Variants in PHACTR1 observed in about 807,000 individuals in gnomAD.
PHACTR1 encodes RPEL repeat containing 1.
PHACTR1 carries 16 observed loss-of-function variants against 69.2 expected under a neutral mutation model. The observed-to-expected ratio is 0.23, with a 90% CI of 0.16 to 0.35. The LOEUF (loss-of-function observed/expected upper bound fraction) is 0.35. Ranked by LOEUF, PHACTR1 falls within the 10% of genes least tolerant of loss-of-function variation. The probability of loss-of-function intolerance (pLI) is 1.00; values close to 1 mark genes in which losing one functional copy is unlikely to be tolerated. For synonymous variants in PHACTR1, 312 were observed against 284.5 expected (o/e 1.10, Z -0.97); for missense variants, 510 against 734.7 (o/e 0.69, Z 3.54).
intron 4 of PHACTR1, among the ~76,000 whole-genome samples, chr6:12,916,276 C>G (rs1171923025): frequency 6.6e-6 from 1 of 152,210 alleles, no homozygotes; most frequent in Non-Finnish European, 1.5e-5. Flanking sequence ...CTGAATTTCT[C>G]ATACAAAACC....
At chr6:12,987,973 C>G (rs891599325) in intron 4 of PHACTR1, among the ~76,000 whole-genome samples, 1 of 152,288 alleles carries the variant, frequency 6.6e-6, no homozygotes, top group African/African-American at 2.4e-5. Flanking sequence ...ACCACTTACA[C>G]TCTCCTGCTG....
chr6:13,210,410 G>T (rs1336785708), intron 8 of PHACTR1, among the ~76,000 whole-genome samples: 1 of 152,142 alleles, frequency 6.6e-6, no homozygotes, highest in East Asian at 1.9e-4. Context: ...AGATTTGGGG[G>T]AAGGAGCTAG....
At chr6:13,133,737 C>A (rs1221828073) in intron 5 of PHACTR1, among the ~76,000 whole-genome samples, 2 of 151,754 alleles carry the variant, frequency 1.3e-5, no homozygotes, top group South Asian at 2.1e-4. Context: ...AAGTGAGGAG[C>A]GTCTCTGCCT....
chr6:12,755,136 A>G (rs1353023541), intron 4 of PHACTR1, among the ~76,000 whole-genome samples: 3 of 152,168 alleles, frequency 2.0e-5, no homozygotes, highest in Non-Finnish European at 4.4e-5. Flanking sequence ...ATTTTTAAAC[A>G]TGTAAGTATG....
intron 4 of PHACTR1, among the ~76,000 whole-genome samples, chr6:12,892,500 A>G (rs1189926144): frequency 6.6e-6 from 1 of 152,178 alleles, no homozygotes; most frequent in Non-Finnish European, 1.5e-5. Flanking sequence ...GTTTTTGCAG[A>G]CTCAACTGCA....
chr6:12,991,352 G>A lies in PHACTR1; in HGVS notation c.251-62013G>A, dbSNP rs116719728. On this transcript the variant is annotated intron_variant, in intron 4 of 14. Transcript: ENST00000332995. ...GCAGGGCAGTAGATGGGCATGTTTA[G>A]CTTGTGTCTCCACAGGACTGCCCCA... 3.2e-3 allele frequency among the ~76,000 whole-genome samples: 494 copies of A among 152,270 alleles called. 1 individual carries two copies. Among genetic ancestry groups the A allele is most frequent in the African/African-American group, 0.012 (480 of 41,538 alleles).
At chr6:13,072,477 A>G (rs191566933) in intron 5 of PHACTR1, among the ~76,000 whole-genome samples, 1 of 103,604 alleles carries the variant, frequency 9.7e-6, no homozygotes, top group African/African-American at 2.7e-5. Flanking sequence ...TCATTTATAC[A>G]TACTTGCTTT....
At chr6:12,940,010 A>C (rs987470752) in intron 4 of PHACTR1, among the ~76,000 whole-genome samples, 1 of 152,228 alleles carries the variant, frequency 6.6e-6, no homozygotes, top group Admixed American at 6.5e-5. Flanking sequence ...GCAAGAAAGG[A>C]AACACTTTTG....
At chr6:12,964,607 T>C (rs1375027296) in intron 4 of PHACTR1, among the ~76,000 whole-genome samples, 1 of 152,134 alleles carries the variant, frequency 6.6e-6, no homozygotes, top group Non-Finnish European at 1.5e-5. Context: ...GGTAGATGCA[T>C]TGAAAAGAAT....
intron 5 of PHACTR1, among the ~76,000 whole-genome samples, chr6:13,142,917 G>A (rs1316449553): frequency 6.6e-6 from 1 of 151,954 alleles, no homozygotes; most frequent in African/African-American, 2.4e-5. Flanking sequence ...GAAAACTTTA[G>A]GCCCAGCTTC....
At chr6:12,999,854 T>C (rs1185568035) in intron 4 of PHACTR1, among the ~76,000 whole-genome samples, 2 of 152,222 alleles carry the variant, frequency 1.3e-5, no homozygotes, top group Non-Finnish European at 2.9e-5. Flanking sequence ...TTTGTATTCC[T>C]TTACATTATT....
chr6:12,937,517 C>A (rs1013362443), intron 4 of PHACTR1, among the ~76,000 whole-genome samples: 2 of 152,088 alleles, frequency 1.3e-5, no homozygotes, highest in African/African-American at 4.8e-5. Context: ...AGTCCCTAGC[C>A]TCAGAGGGCT....
intron 8 of PHACTR1, among the ~76,000 whole-genome samples, chr6:13,218,841 AGG>A (rs1443408252): frequency 6.2e-5 from 9 of 144,640 alleles, no homozygotes; most frequent in African/African-American, 2.3e-4. Flanking sequence ...AAAGAGGAGG[AGG>A]AGGAGGAGGA....
At chr6:12,955,432 T>A (rs1364978545) in intron 4 of PHACTR1, among the ~76,000 whole-genome samples, 1 of 152,086 alleles carries the variant, frequency 6.6e-6, no homozygotes, top group Non-Finnish European at 1.5e-5. Context: ...CTCAAACTCC[T>A]ATTCTCGCCT....
chr6:13,037,977 T>C (rs980673254), intron 4 of PHACTR1, among the ~76,000 whole-genome samples: 2 of 152,184 alleles, frequency 1.3e-5, no homozygotes, highest in African/African-American at 4.8e-5. Context: ...ATTACATCAC[T>C]GGCATTGCCA....
intron 6 of PHACTR1, among the ~76,000 whole-genome samples, chr6:13,181,758 C>G (rs1762204142): frequency 6.6e-6 from 1 of 151,990 alleles, no homozygotes; most frequent in East Asian, 1.9e-4. Flanking sequence ...GAAATTGGAC[C>G]AGGGTGGAGG....
intron 4 of PHACTR1, among the ~76,000 whole-genome samples, chr6:12,935,312 C>T (rs578054033): frequency 2.6e-5 from 4 of 152,190 alleles, no homozygotes; most frequent in Non-Finnish European, 5.9e-5. Context: ...AGTACAATCT[C>T]GGCTCACTGC....
intron 4 of PHACTR1, among the ~76,000 whole-genome samples, chr6:12,845,430 C>CCT (rs1554149745): frequency 1.3e-4 from 4 of 30,058 alleles, no homozygotes; most frequent in Non-Finnish European, 3.3e-4. Flanking sequence ...ACACCACCCA[C>CCT]CCCCCCCCCC....
At chr6:12,913,677 C>A (rs1035254553) in intron 4 of PHACTR1, among the ~76,000 whole-genome samples, 1 of 152,166 alleles carries the variant, frequency 6.6e-6, no homozygotes, top group Non-Finnish European at 1.5e-5. Context: ...CTCAGGGCCT[C>A]AAATCCTGAG....
Sources: allele counts gnomAD v4.1 joint callset (sites outside exome capture counted in the v4.1 genomes callset), GRCh38; gene constraint gnomAD v4.1.1; transcripts MANE v1.5; gene names NCBI Gene and HGNC (gene_info 2026-07-23, HGNC 2026-07-21).